The following SCHIP1 variants were observed in gnomAD, a reference collection of about 807,000 sequenced individuals.
The protein encoded by SCHIP1 is schwannomin interacting protein 1, also known as schwannomin-interacting protein 1.
Under a neutral mutation model 29.7 loss-of-function variants are expected in SCHIP1, and 8 were observed. That is an observed-to-expected ratio of 0.27 (90% CI 0.16 to 0.49). The LOEUF is 0.49. SCHIP1 is among the 20% of genes least tolerant of loss of function. The pLI, the probability that SCHIP1 is intolerant of heterozygous loss-of-function variation, is 0.99. For missense variants in SCHIP1, 193 were observed against 294.6 expected, an observed-to-expected ratio of 0.66 and a Z score of 2.52; for synonymous variants, 76 against 94.9, an observed-to-expected ratio of 0.80 and a Z score of 1.16.
At chr3:159,681,360 T>C in the SCHIP1 span, among the ~76,000 whole-genome samples, 1 of 152,164 alleles carries the variant, frequency 6.6e-6, no homozygotes, top group African/African-American at 2.4e-5. Flanking sequence ...TTATTTTTAC[T>C]TTTTATTGTA....
intron 6 of SCHIP1, among the ~76,000 whole-genome samples, chr3:159,896,418 AAGTATCCCAG>A (rs1410835881): frequency 2.0e-5 from 3 of 152,206 alleles, no homozygotes; most frequent in African/African-American, 7.2e-5. Flanking sequence ...TTGTTGATAA[AAGTATCCCAG>A]ATGTTTATTT....
At chr3:159,876,477 C>T (rs1715823772) in intron 2 of SCHIP1, among the ~76,000 whole-genome samples, 1 of 152,172 alleles carries the variant, frequency 6.6e-6, no homozygotes, top group Non-Finnish European at 1.5e-5. Context: ...GGAAGACCAG[C>T]AAAGCACTCA....
At chr3:159,301,040 G>T in the SCHIP1 span, among the ~76,000 whole-genome samples, 351 of 152,152 alleles carry the variant, frequency 2.3e-3, no homozygotes, top group Admixed American at 4.8e-3. Flanking sequence ...CTATTATGTA[G>T]TACCACTAAT....
chr3:159,366,078 T>G, the SCHIP1 span, among the ~76,000 whole-genome samples: 79 of 152,316 alleles, frequency 5.2e-4, no homozygotes, highest in East Asian at 1.4e-3. Flanking sequence ...AGCATGGTGC[T>G]GGCATCTGCT....
the SCHIP1 span, among the ~76,000 whole-genome samples, chr3:159,287,523 ATATTAT>A: frequency 2.0e-5 from 3 of 151,880 alleles, no homozygotes; most frequent in Admixed American, 2.0e-4. Flanking sequence ...TTTTATTTTT[ATATTAT>A]TATTGGAGAA....
chr3:159,492,307 T>C, the SCHIP1 span, among the ~76,000 whole-genome samples: 1 of 152,050 alleles, frequency 6.6e-6, no homozygotes, highest in Non-Finnish European at 1.5e-5. Context: ...TACTCCAAGC[T>C]AAAGGAGGAA....
the SCHIP1 span, among the ~76,000 whole-genome samples, chr3:159,523,973 G>A: frequency 6.6e-6 from 1 of 152,186 alleles, no homozygotes; most frequent in Non-Finnish European, 1.5e-5. Flanking sequence ...TCTAGGCCTT[G>A]GTGATTATTT....
the SCHIP1 span, among the ~76,000 whole-genome samples, chr3:159,561,067 A>C: frequency 1.3e-5 from 2 of 152,196 alleles, no homozygotes; most frequent in African/African-American, 2.4e-5. Flanking sequence ...AGCACACCAG[A>C]TTCAGTGTTT....
intron 6 of SCHIP1, 121 bp downstream of exon 7, chr3:159,892,311 C>A: frequency 8.8e-7 from 1 of 1,138,016 alleles, no homozygotes; most frequent in Non-Finnish European, 1.3e-6. Flanking sequence ...CTCACCTAGC[C>A]TTTTCTGGTG....
chr3:159,785,469 T>A, the SCHIP1 span, among the ~76,000 whole-genome samples: 1 of 152,136 alleles, frequency 6.6e-6, no homozygotes, highest in South Asian at 2.1e-4. Context: ...AGTGATTAAA[T>A]ATTGACTAAG....
chr3:159,781,339 C>G, the SCHIP1 span, among the ~76,000 whole-genome samples: 1 of 152,096 alleles, frequency 6.6e-6, no homozygotes, highest in Admixed American at 6.6e-5. Context: ...CCACGCCCAG[C>G]TAGTTTTTGT....
the SCHIP1 span, among the ~76,000 whole-genome samples, chr3:159,301,526 C>T: frequency 2.0e-5 from 3 of 151,960 alleles, no homozygotes; most frequent in East Asian, 5.8e-4. Flanking sequence ...ACTCTGTGTC[C>T]CCACCCAAAT....
the SCHIP1 span, among the ~76,000 whole-genome samples, chr3:159,497,788 T>C: frequency 6.6e-6 from 1 of 152,120 alleles, no homozygotes; most frequent in Non-Finnish European, 1.5e-5. Flanking sequence ...GAAATTAGTT[T>C]AGTTTGCCAA....
the SCHIP1 span, among the ~76,000 whole-genome samples, chr3:159,604,927 T>C: frequency 1.3e-5 from 2 of 152,306 alleles, no homozygotes; most frequent in Admixed American, 6.5e-5. Flanking sequence ...AATGACCAAA[T>C]TGTGAAACAA....
rs557003861 is a variant in SCHIP1, at chr3:159,877,609, A to G, written c.150-8598A>G. On this transcript the variant is annotated intron_variant, in intron 2 of 6. Coordinates refer to ENST00000445224, the Ensembl canonical transcript of SCHIP1. ...GGTCAAAAGAATAAAAGAATTTGCAATTAAGATTTTCGCCTACTTCAGGAA... is the reference window on the plus strand; with the variant it reads ...GGTCAAAAGAATAAAAGAATTTGCAGTTAAGATTTTCGCCTACTTCAGGAA... Among the ~76,000 whole-genome samples, 115 of 152,358 alleles carry G rather than the reference A, an allele frequency of 7.5e-4. 1 individual carries two copies. The highest frequency in any genetic ancestry group is 2.4e-3 in the African/African-American group (99 of 41,596).
the SCHIP1 span, among the ~76,000 whole-genome samples, chr3:159,547,500 C>T: frequency 6.6e-6 from 1 of 152,130 alleles, no homozygotes; most frequent in Non-Finnish European, 1.5e-5. Flanking sequence ...ATGCCTATGT[C>T]CTGAATGGTA....
intron 1 of SCHIP1, among the ~76,000 whole-genome samples, chr3:159,847,158 G>A (rs79758975): frequency 0.07 from 10,601 of 152,238 alleles, 420 homozygotes; most frequent in South Asian, 0.2. Context: ...GGTGGTGATG[G>A]GGGGTGGGAA....
chr3:159,674,485 G>C, the SCHIP1 span, among the ~76,000 whole-genome samples: 39 of 151,696 alleles, frequency 2.6e-4, no homozygotes, highest in African/African-American at 9.2e-4. Context: ...ACAACTGGAA[G>C]TCCCGGCAGT....
the SCHIP1 span, among the ~76,000 whole-genome samples, chr3:159,613,041 G>GC: frequency 6.6e-6 from 1 of 152,094 alleles, no homozygotes; most frequent in Admixed American, 6.5e-5. Context: ...ATAAACACAG[G>GC]CAACATGTCA....
Sources: allele counts gnomAD v4.1 joint callset (sites outside exome capture counted in the v4.1 genomes callset), GRCh38; gene constraint gnomAD v4.1.1; transcripts MANE v1.5; gene names NCBI Gene and HGNC (gene_info 2026-07-23, HGNC 2026-07-21).